Variants in ASTL observed in about 807,000 individuals in gnomAD.
ASTL encodes astacin like metalloendopeptidase, also known as astacin-like metalloendopeptidase.
A neutral mutation model predicts 36.7 loss-of-function variants in ASTL; 27 were observed. The observed-to-expected ratio is 0.73, with a 90% CI of 0.54 to 1.01. The LOEUF is 1.01. Among genes scored for constraint, ASTL ranks in the 50% least tolerant of loss-of-function variants. ASTL has a pLI of 0.00. For synonymous variants in ASTL, 222 were observed against 228.1 expected (o/e 0.97, Z 0.24); for missense variants, 524 against 572.8 (o/e 0.91, Z 0.87).
rs2104768506 is a variant in ASTL, at chr2:96,129,840, G to A, written c.858C>T (p.Pro286=). Residue 286 remains proline (P), a synonymous_variant, in exon 8 of 9, where the codon CCC becomes CCT. Coordinates refer to ENST00000342380, the MANE Select transcript of ASTL (RefSeq NM_001002036.4). ...LKLYGCSPSG[P]RPRGRGSHAH... is the part of the protein sequence containing the mutation. ...GCCACTCACCTCTCCCACGGGGCCTGGGGCCACTTGGGCTGCAGCCGTAGA... is the reference window on the plus strand; with the variant it reads ...GCCACTCACCTCTCCCACGGGGCCTAGGGCCACTTGGGCTGCAGCCGTAGA... 6.4e-7 allele frequency: 1 copy of A among 1,566,212 alleles called. No homozygotes were observed. Among genetic ancestry groups the A allele is most frequent in the East Asian group, 2.3e-5 (1 of 44,174 alleles).
In ASTL at chr2:96,122,998, A is replaced by T. The variant is rs1681988757; in HGVS notation, c.*852T>A. ...TGGATGCTTTCTTCATGCCTGGGAC[A>T]AACCTCATGGGGAAAGCCGGAGCTG... On this transcript the variant is annotated 3_prime_UTR_variant, in exon 9 of 9. Transcript: ENST00000342380. Among the ~76,000 whole-genome samples the T allele has an allele frequency of 6.6e-6, 1 of 152,230 alleles. No homozygotes were observed. The highest frequency in any genetic ancestry group is 1.5e-5 in the Non-Finnish European group (1 of 68,030).
intron 3 of ASTL, among the ~76,000 whole-genome samples, chr2:96,134,620 C>T (rs1422596631): frequency 2.0e-5 from 3 of 152,190 alleles, no homozygotes; most frequent in Non-Finnish European, 2.9e-5. Flanking sequence ...TGGTCGCACA[C>T]CACCTGCCCG....
In ASTL at chr2:96,124,387, C is replaced by T; in HGVS notation, c.875-116G>A. 1 of 908,262 alleles carries T rather than the reference C, an allele frequency of 1.1e-6. No homozygotes were observed. Among genetic ancestry groups the T allele is most frequent in the East Asian group, 3.0e-5 (1 of 33,462 alleles). 56.3% of individuals were successfully genotyped at this position (908,262 alleles called of 1,614,324 possible). ...GAGTGGTGCCCACCCATGCCACGGC[C>T]TAGTGCATCCAAGACCCAGATTCCC... On this transcript the variant is annotated intron_variant, in intron 8 of 8. Coordinates refer to ENST00000342380, the MANE Select transcript of ASTL (RefSeq NM_001002036.4). This position sits in a 1 kb window ranked among gnomAD's most constrained non-coding sequence, Gnocchi z 4.1.
In ASTL at chr2:96,133,961, TC is replaced by T; in HGVS notation, c.337+3del. On this transcript the variant is annotated splice_donor_region_variant and intron_variant, in intron 4 of 8. Transcript: ENST00000342380. Reference sequence around the variant, plus strand: ...CAGGGAGGGAGCGCGCCATGCTCACTCACCGTACTTGCTGGAGAGCAGGAAG... The same window carrying T: ...CAGGGAGGGAGCGCGCCATGCTCACTACCGTACTTGCTGGAGAGCAGGAAG... 6.2e-7 allele frequency: 1 copy of T among 1,603,294 alleles called. No individual in the cohort carries two copies. The highest frequency in any genetic ancestry group is 8.5e-7 in the Non-Finnish European group (1 of 1,170,164).
rs777864306 is a variant in ASTL at position 96,132,595 on chromosome 2, G to A, written c.582C>T (p.His194=). The A allele has an allele frequency of 1.9e-6, 3 of 1,612,666 alleles. No homozygotes were observed. The highest frequency in any genetic ancestry group is 1.7e-5 in the Admixed American group (1 of 59,978). Residue 194 remains histidine (H), a synonymous_variant, in exon 6 of 9, where the codon CAC becomes CAT. Coordinates refer to ENST00000342380, the MANE Select transcript of ASTL (RefSeq NM_001002036.4). The surrounding 1 kb of genome is among the most constrained non-coding windows in gnomAD (Gnocchi z 5.4). ...LMHVLGFWHE[H]TRADRDRYIR... ...TATAGCGGTCCCGGTCGGCCCGCGT[G>A]TGCTCGTGCCAGAAGCCCAGCACAT...
intron 5 of ASTL, 69 bp downstream of exon 5, chr2:96,133,356 A>G: frequency 1.8e-6 from 2 of 1,113,732 alleles, no homozygotes; most frequent in South Asian, 1.2e-5. Context: ...CATTTTAGAC[A>G]ATGGCCAAGT....
At position 96,124,409 on chromosome 2, in the gene ASTL, TC is replaced by T; in HGVS notation, c.875-139del. The T allele has an allele frequency of 1.5e-6, 1 of 661,242 alleles. No homozygotes were observed. Among genetic ancestry groups the T allele is most frequent in the Non-Finnish European group, 2.3e-6 (1 of 433,870 alleles). The allele number at this position is 661,242 out of a possible 1,614,324, so 41.0% of individuals were successfully genotyped here. On this transcript the variant is annotated intron_variant, in intron 8 of 8. Coordinates refer to ENST00000342380, the MANE Select transcript of ASTL (RefSeq NM_001002036.4). This position sits in a 1 kb window ranked among gnomAD's most constrained non-coding sequence, Gnocchi z 4.1. ...GGCCTAGTGCATCCAAGACCCAGAT[TC>T]CCACCCTACCAGAGACCAGGACAAT...
intron 8 of ASTL, among the ~76,000 whole-genome samples, chr2:96,125,949 T>C (rs1393907794): frequency 4.6e-5 from 7 of 151,840 alleles, no homozygotes; most frequent in African/African-American, 1.2e-4. Context: ...GTAAAAAAAG[T>C]GTAGGGGAAA....
chr2:96,134,540 C>T (rs1279095043), intron 3 of ASTL, among the ~76,000 whole-genome samples: 3 of 152,144 alleles, frequency 2.0e-5, no homozygotes, highest in Non-Finnish European at 4.4e-5. Context: ...CAGAGCCCTT[C>T]GGTGCCCAGG....
chr2:96,137,486 C>T (rs1682324692), intron 2 of ASTL, 89 bp downstream of exon 2: 1 of 1,467,476 alleles, frequency 6.8e-7, no homozygotes, highest in Non-Finnish European at 9.4e-7. Flanking sequence ...CATTTCCTCC[C>T]AGGCTCTGCA....
chr2:96,130,094 T>C lies in ASTL; in HGVS notation c.689A>G (p.Tyr230Cys), dbSNP rs774093278. 3 of 1,614,122 alleles carry C rather than the reference T, an allele frequency of 1.9e-6. No individual in the cohort carries two copies. Among genetic ancestry groups the C allele is most frequent in the Non-Finnish European group, 1.7e-6 (2 of 1,179,936 alleles). Residue 230 changes from tyrosine (Y) to cysteine (C), a missense_variant, in exon 7 of 9, where the codon TAT (tyrosine) becomes TGT (cysteine). Physicochemically the swap from Tyr to Cys is radical, Grantham distance 194. Transcript: ENST00000342380. ...ATAGTGCATCACAGAGGAGTAGTCA[T>C]AGGGCGTCAGCATGTTGCTGCTCTG... ...KSQSSNMLTP[Y>C]DYSSVMHYGR... is the part of the protein sequence containing the mutation.
In ASTL at chr2:96,124,968, G is replaced by A. The variant is rs1414760679; in HGVS notation, c.875-697C>T. ...TCCTGTTAGCCTCACAGCCCACACC[G>A]CCCTCCAGACCTGGTCAGCACCAGG... On this transcript the variant is annotated intron_variant, in intron 8 of 8. Transcript: ENST00000342380. This position sits in a 1 kb window ranked among gnomAD's most constrained non-coding sequence, Gnocchi z 4.1. Among the ~76,000 whole-genome samples, 3 of 152,176 alleles carry A rather than the reference G, an allele frequency of 2.0e-5. No homozygotes were observed. Among genetic ancestry groups the A allele is most frequent in the African/African-American group, 4.8e-5 (2 of 41,512 alleles).
Position 96,132,591 on chromosome 2 carries a change from G to C in ASTL, c.586C>G (p.Arg196Gly). Residue 196 changes from arginine (R) to glycine (G), a missense_variant, in exon 6 of 9, where the codon CGG (arginine) becomes GGG (glycine). Transcript: ENST00000342380. This position sits in a 1 kb window ranked among gnomAD's most constrained non-coding sequence, Gnocchi z 5.4. Reference protein sequence around the residue: ...HVLGFWHEHTRADRDRYIRVN... With the variant: ...HVLGFWHEHTGADRDRYIRVN... ...CGGATATAGCGGTCCCGGTCGGCCC[G>C]CGTGTGCTCGTGCCAGAAGCCCAGC... The C allele has an allele frequency of 3.1e-6, 5 of 1,612,534 alleles. No individual in the cohort carries two copies. The highest frequency in any genetic ancestry group is 4.2e-6 in the Non-Finnish European group (5 of 1,178,924).
At position 96,129,187 on chromosome 2, in the gene ASTL, G is replaced by A. The variant is rs562845525; in HGVS notation, c.874+637C>T. On this transcript the variant is annotated intron_variant, in intron 8 of 8. Transcript: ENST00000342380. ...TATCTATATTTAAGTATTATTTAAC[G>A]ATTTTAATAAAGGTTCATTTTTCCT... Among the ~76,000 whole-genome samples the A allele has an allele frequency of 2.7e-4, 41 of 152,172 alleles. No homozygotes were observed. In the South Asian group the frequency reaches 7.5e-3, roughly 28 times the overall value.
intron 2 of ASTL, among the ~76,000 whole-genome samples, chr2:96,136,996 C>A (rs1338786388): frequency 6.6e-6 from 1 of 152,180 alleles, no homozygotes; most frequent in Non-Finnish European, 1.5e-5. Context: ...AGGCGCCCGC[C>A]ACCACGCCCG....
At position 96,133,527 on chromosome 2, in the gene ASTL, T is replaced by C. The variant is rs141728002; in HGVS notation, c.353A>G (p.Gln118Arg). The change falls in exon 5 of 9, where the codon CAG (glutamine) becomes CGG (arginine). Residue 118 changes from glutamine (Q) to arginine (R), a missense_variant. Transcript: ENST00000342380. Reference sequence around the variant, plus strand: ...CTCCGCAAGAGCCTCCAGGATGACCTGGCGGCTGGGCTCATCTGGAAGACA... The same window carrying C: ...CTCCGCAAGAGCCTCCAGGATGACCCGGCGGCTGGGCTCATCTGGAAGACA... ...LSSKYDEPSRQVILEALAEFE... is the reference protein window; with the variant it reads ...LSSKYDEPSRRVILEALAEFE... 6.2e-7 allele frequency: 1 copy of C among 1,614,046 alleles called. No individual in the cohort carries two copies. Among genetic ancestry groups the C allele is most frequent in the Non-Finnish European group, 8.5e-7 (1 of 1,179,914 alleles).
In ASTL at chr2:96,135,415, G is replaced by A; in HGVS notation, c.182-3C>T. 6.2e-7 allele frequency: 1 copy of A among 1,614,028 alleles called. No homozygotes were observed. Among genetic ancestry groups the A allele is most frequent in the Non-Finnish European group, 8.5e-7 (1 of 1,179,938 alleles). The stretch of plus-strand genomic sequence containing the variant: ...TGGGGTTTCTTCCAGGATGAGCCCT[G>A]GGAAAGGAAGAAGGACGTGTTGGCC... On this transcript the variant is annotated splice_region_variant and splice_polypyrimidine_tract_variant and intron_variant, in intron 2 of 8. Coordinates refer to ENST00000342380, the MANE Select transcript of ASTL (RefSeq NM_001002036.4).
rs1682009102 is a variant in ASTL, at chr2:96,123,940, T to C, written c.1206A>G (p.Ala402=). Residue 402 remains alanine (A), a synonymous_variant, in exon 9 of 9, where the codon GCA becomes GCG. Coordinates refer to ENST00000342380, the MANE Select transcript of ASTL (RefSeq NM_001002036.4). Reference sequence around the variant, plus strand: ...CCTGGACAGGGACTGGCTGGATTCCTGCTTCTGAAGATGGGACTGTGGGCT... The same window carrying C: ...CCTGGACAGGGACTGGCTGGATTCCCGCTTCTGAAGATGGGACTGTGGGCT... The part of the protein sequence containing the change: ...STKPTVPSSE[A]GIQPVPVQGS... 4 of 1,613,900 alleles carry C rather than the reference T, an allele frequency of 2.5e-6. No individual in the cohort carries two copies. The highest frequency in any genetic ancestry group is 1.7e-6 in the Non-Finnish European group (2 of 1,180,010).
chr2:96,124,474 C>CA lies in ASTL; in HGVS notation c.875-204dup, dbSNP rs1682025451. 6.6e-6 allele frequency among the ~76,000 whole-genome samples: 1 copy of CA among 152,108 alleles called. No homozygotes were observed. On this transcript the variant is annotated intron_variant, in intron 8 of 8. Transcript: ENST00000342380. This position sits in a 1 kb window ranked among gnomAD's most constrained non-coding sequence, Gnocchi z 4.1. Reference sequence around the variant, plus strand: ...CTCTTCCCTGCCTGGCCCCTGAAGTCACCATCAGAATGTCAGTCCACTCAG... The same window carrying CA: ...CTCTTCCCTGCCTGGCCCCTGAAGTCAACCATCAGAATGTCAGTCCACTCAG...
Sources: gnomAD v4.1 joint callset for allele counts (sites outside exome capture counted in the v4.1 genomes callset) on GRCh38, gnomAD v4.1.1 for gene constraint, Gnocchi (gnomAD v3.1) non-coding constraint, MANE v1.5 for transcripts, NCBI Gene and HGNC (gene_info 2026-07-23, HGNC 2026-07-21) for gene names.